The following PPP6R2 variants were observed in gnomAD, a reference collection of about 807,000 sequenced individuals.
PPP6R2 encodes serine/threonine-protein phosphatase 6 regulatory subunit 2.
A neutral mutation model predicts 100.2 loss-of-function variants in PPP6R2; 62 were observed. That is an observed-to-expected ratio of 0.62 (90% CI 0.50 to 0.76). The LOEUF (loss-of-function observed/expected upper bound fraction) is 0.76, where lower values mean the gene tolerates loss of function less well. Ranked by LOEUF, PPP6R2 falls within the 30% of genes least tolerant of loss-of-function variation. PPP6R2 has a pLI of 0.00. For missense variants in PPP6R2, 1,142 were observed against 1,276.3 expected, an observed-to-expected ratio of 0.89 and a Z score of 1.60; for synonymous variants, 525 against 514.7, an observed-to-expected ratio of 1.02 and a Z score of -0.27.
chr22:50,418,887 G>A lies in PPP6R2; in HGVS notation c.639G>A (p.Gln213=), dbSNP rs759640665. The change falls in exon 7 of 24, where the codon CAG becomes CAA. Residue 213 remains glutamine (Q), a synonymous_variant. Transcript: ENST00000612753. ...TTCAGAGGCAGTCAAATGCTTCTCA[G>A]ACTCTCTGTGACATAGTTAGGCTGG... ...QDEDRQSNAS[Q]TLCDIVRLGR... The A allele has an allele frequency of 6.2e-7, 1 of 1,613,776 alleles. No homozygotes were observed. Among genetic ancestry groups the A allele is most frequent in the Non-Finnish European group, 8.5e-7 (1 of 1,179,718 alleles).
intron 3 of PPP6R2, among the ~76,000 whole-genome samples, chr22:50,396,189 C>T (rs1352806882): frequency 9.2e-6 from 1 of 108,890 alleles, no homozygotes. Flanking sequence ...GAGCAAGACT[C>T]TGGCTCAAAA....
intron 2 of PPP6R2, among the ~76,000 whole-genome samples, chr22:50,381,646 C>T (rs1013525989): frequency 6.6e-6 from 1 of 152,118 alleles, no homozygotes; most frequent in Admixed American, 6.6e-5. Context: ...ACTGGCCAGG[C>T]GTGGTGGCTC....
intron 1 of PPP6R2, among the ~76,000 whole-genome samples, chr22:50,357,691 G>C (rs988401228): frequency 6.6e-6 from 1 of 151,496 alleles, no homozygotes; most frequent in African/African-American, 2.4e-5. Context: ...GCAGTGGCAT[G>C]ATCTCCACTG....
rs188855981 is a variant in PPP6R2 at position 50,427,105 on chromosome 22, T to C, written c.1125+3491T>C. Among the ~76,000 whole-genome samples the C allele has an allele frequency of 4.4e-3, 655 of 148,916 alleles. 7 individuals are homozygous for C. Among genetic ancestry groups the C allele is most frequent in the African/African-American group, 0.015 (610 of 40,256 alleles). On this transcript the variant is annotated intron_variant, in intron 10 of 23. Transcript: ENST00000612753. The stretch of plus-strand genomic sequence containing the variant: ...TTGGGAGGCTGAGGCAGGAGAATGG[T>C]GTGAACCCGGGAGGTGGAGCTTGCA...
chr22:50,442,624 C>A (rs893735551), intron 22 of PPP6R2, among the ~76,000 whole-genome samples: 2 of 152,018 alleles, frequency 1.3e-5, no homozygotes, highest in South Asian at 2.1e-4. Flanking sequence ...ATCTTGGCTC[C>A]CTGCAACCTC....
rs1035230246 is a variant in PPP6R2, at chr22:50,431,488, G to A, written c.1335+106G>A. 4.9e-6 allele frequency: 5 copies of A among 1,018,928 alleles called. No individual in the cohort carries two copies. The African/African-American group carries it at 8.0e-5, about 16-fold the overall frequency. 63.1% of individuals were successfully genotyped at this position (1,018,928 alleles called of 1,614,324 possible). ...GGACCTCACTGTGCAGCTGACACGG[G>A]GGCAGGGCTTTGAAAAGGGTCCCCA... On this transcript the variant is annotated intron_variant, in intron 11 of 23. Transcript: ENST00000612753. This position sits in a 1 kb window ranked among gnomAD's most constrained non-coding sequence, Gnocchi z 4.8.
intron 19 of PPP6R2, 117 bp downstream of exon 19, chr22:50,438,879 C>G: frequency 2.7e-6 from 3 of 1,098,704 alleles, no homozygotes; most frequent in Non-Finnish European, 3.8e-6. Flanking sequence ...CACTGTGGCC[C>G]GGAGCCTGAA....
chr22:50,388,029 G>A (rs1280076977), intron 2 of PPP6R2, among the ~76,000 whole-genome samples: 2 of 152,090 alleles, frequency 1.3e-5, no homozygotes, highest in East Asian at 1.9e-4. Context: ...GTGGCTGGGC[G>A]CCAGTGGCTC....
intron 3 of PPP6R2, among the ~76,000 whole-genome samples, chr22:50,396,195 CA>C (rs528437459): frequency 0.025 from 1,314 of 51,598 alleles, 6 homozygotes; most frequent in African/African-American, 0.056. Context: ...GACTCTGGCT[CA>C]AAAAAAAAAA....
intron 2 of PPP6R2, chr22:50,391,936 T>G: frequency 6.9e-6 from 1 of 144,642 alleles, no homozygotes. Flanking sequence ...ATCTTGCAAG[T>G]TCTGATTTTG....
chr22:50,368,530 T>C lies in PPP6R2; in HGVS notation c.-147-3490T>C, dbSNP rs1375640522. Among the ~76,000 whole-genome samples the C allele has an allele frequency of 2.6e-5, 4 of 152,324 alleles. No individual in the cohort carries two copies. In the East Asian group the frequency reaches 7.7e-4, roughly 29 times the overall value. ...ATTATAATATTGGAATAAAGAGTAATGCTACAAACTAATGATTAATAATAT... is the reference window on the plus strand; with the variant it reads ...ATTATAATATTGGAATAAAGAGTAACGCTACAAACTAATGATTAATAATAT... On this transcript the variant is annotated intron_variant, in intron 1 of 23. Transcript: ENST00000612753.
chr22:50,390,796 C>T (rs1337111755), intron 2 of PPP6R2, among the ~76,000 whole-genome samples: 1 of 151,652 alleles, frequency 6.6e-6, no homozygotes, highest in Non-Finnish European at 1.5e-5. Flanking sequence ...GTCAGGAGTT[C>T]AAGACCAGCC....
At chr22:50,359,418 C>T (rs567874874) in intron 1 of PPP6R2, among the ~76,000 whole-genome samples, 65 of 152,086 alleles carry the variant, frequency 4.3e-4, no homozygotes, top group Non-Finnish European at 7.5e-4. Context: ...TGGGGTTTGC[C>T]GTGTTAGCCA....
chr22:50,346,842 TTTTC>T (rs891100638), intron 1 of PPP6R2, among the ~76,000 whole-genome samples: 16 of 127,850 alleles, frequency 1.3e-4, no homozygotes, highest in African/African-American at 3.6e-4. Context: ...CAGTCAATTA[TTTTC>T]TTTCTGTCAT....
upstream of PPP6R2, among the ~76,000 whole-genome samples, chr22:50,340,396 T>C (rs2042359047): frequency 8.0e-6 from 1 of 124,958 alleles, no homozygotes; most frequent in African/African-American, 3.1e-5. Context: ...GTATGTGGTG[T>C]GTGTGGTGTG....
intron 3 of PPP6R2, among the ~76,000 whole-genome samples, chr22:50,397,545 G>A (rs1289562796): frequency 1.7e-5 from 2 of 116,924 alleles, no homozygotes; most frequent in Non-Finnish European, 3.5e-5. Context: ...ATGCTGGGGG[G>A]CAGGGGGCCT....
rs370094967 is a variant in PPP6R2, at chr22:50,438,640, G to A, written c.2006G>A (p.Gly669Asp). 228 of 1,613,936 alleles carry A rather than the reference G, an allele frequency of 1.4e-4. No homozygotes were observed. The highest frequency in any genetic ancestry group is 1.8e-4 in the Non-Finnish European group (218 of 1,179,990). Residue 669 changes from glycine to aspartate, a missense_variant, in exon 19 of 24, where the codon GGC (glycine) becomes GAC (aspartate). Physicochemically the swap from Gly to Asp is moderately conservative, Grantham distance 94. This residue lies in a region of PPP6R2 where 550 missense variants were observed against 517.4 expected (regional missense o/e 1.06). Transcript: ENST00000612753. ...GCTTCAGAGAGTTGCTCAAAGAATG[G>A]CCCAGAGCGTGGAGGCCAGGATGGG... ...PHASESCSKN[G>D]PERGGQDGKA...
At chr22:50,339,245 T>C (rs777225168), upstream of PPP6R2, among the ~76,000 whole-genome samples, 23 of 125,374 alleles carry the variant, frequency 1.8e-4, 1 homozygote, top group Admixed American at 9.4e-4. Context: ...ACGGTGTGTG[T>C]TGTGTGTGTT....
intron 22 of PPP6R2, chr22:50,443,545 T>G: frequency 2.9e-6 from 1 of 349,144 alleles, no homozygotes; most frequent in Non-Finnish European, 5.3e-6. Flanking sequence ...AGTGTGAGGC[T>G]GAAGTTGAGA....
Sources: gnomAD v4.1 joint callset for allele counts (sites outside exome capture counted in the v4.1 genomes callset) on GRCh38, gnomAD v4.1.1 for gene constraint, gnomAD v4.1.1 regional missense constraint, Gnocchi (gnomAD v3.1) non-coding constraint, MANE v1.5 for transcripts, NCBI Gene and HGNC (gene_info 2026-07-23, HGNC 2026-07-21) for gene names.